Variants in PDE1C observed in about 807,000 individuals in gnomAD.
PDE1C encodes the protein dual specificity calcium/calmodulin-dependent 3',5'-cyclic nucleotide phosphodiesterase 1C.
In PDE1C, 62 loss-of-function variants were observed where a neutral mutation model predicts 93.1. The ratio of observed to expected loss-of-function variants is 0.67; its 90% CI spans 0.54 to 0.82. The LOEUF (loss-of-function observed/expected upper bound fraction) is 0.82, where lower values mean the gene tolerates loss of function less well. Ranked by LOEUF, PDE1C falls within the 40% of genes least tolerant of loss-of-function variation. PDE1C has a pLI of 0.00. For synonymous variants in PDE1C, 325 were observed against 310.1 expected, an observed-to-expected ratio of 1.05 and a Z score of -0.50; for missense variants, 742 against 884.6, an observed-to-expected ratio of 0.84 and a Z score of 2.04.
At chr7:32,023,652 G>C (rs1425849328) in intron 2 of PDE1C, among the ~76,000 whole-genome samples, 4 of 145,348 alleles carry the variant, frequency 2.8e-5, no homozygotes. Flanking sequence ...AAAAAAAAAA[G>C]CCAGTCTTTA....
upstream of PDE1C, among the ~76,000 whole-genome samples, chr7:32,073,004 T>C (rs1005865502): frequency 3.3e-5 from 5 of 152,214 alleles, no homozygotes; most frequent in Non-Finnish European, 7.3e-5. Context: ...TAATGCTGAA[T>C]TCACATTTTA....
chr7:32,314,277 C>T (rs891431944), intron 1 of PDE1C, among the ~76,000 whole-genome samples: 9 of 151,890 alleles, frequency 5.9e-5, no homozygotes, highest in Admixed American at 2.6e-4. Flanking sequence ...CTTTCACTAA[C>T]TAGAAAACAT....
At chr7:31,703,570 A>C in the PDE1C span, among the ~76,000 whole-genome samples, 1 of 152,236 alleles carries the variant, frequency 6.6e-6, no homozygotes, top group African/African-American at 2.4e-5. Flanking sequence ...TCATTACCAT[A>C]TTAGCTGAAG....
chr7:31,768,389 T>C (rs775909521), intron 17 of PDE1C, among the ~76,000 whole-genome samples: 2 of 152,246 alleles, frequency 1.3e-5, no homozygotes, highest in African/African-American at 2.4e-5. Context: ...TGTCAGTGTA[T>C]GTTATTCATC....
intron 1 of PDE1C, among the ~76,000 whole-genome samples, chr7:32,280,824 A>T (rs1415629538): frequency 3.3e-5 from 5 of 152,180 alleles, no homozygotes; most frequent in Non-Finnish European, 7.4e-5. Context: ...TGTCTCCACA[A>T]AAATCAAAAA....
intron 2 of PDE1C, among the ~76,000 whole-genome samples, chr7:31,944,012 C>A (rs1211284839): frequency 6.6e-6 from 1 of 152,144 alleles, no homozygotes; most frequent in Non-Finnish European, 1.5e-5. Context: ...TGTAGGCAAG[C>A]AGAGCTCTCC....
At chr7:31,670,582 A>G in the PDE1C span, among the ~76,000 whole-genome samples, 18 of 152,152 alleles carry the variant, frequency 1.2e-4, no homozygotes, top group Admixed American at 8.5e-4. Flanking sequence ...TGAAGTATGC[A>G]TTAAAGTAGA....
At chr7:32,130,544 G>A (rs1178744104) in intron 3 of PDE1C, among the ~76,000 whole-genome samples, 3 of 151,960 alleles carry the variant, frequency 2.0e-5, no homozygotes, top group Non-Finnish European at 2.9e-5. Flanking sequence ...TAATTTCAGC[G>A]TAATGAATTC....
intron 15 of PDE1C, among the ~76,000 whole-genome samples, chr7:31,810,437 C>A (rs1223378585): frequency 6.6e-6 from 1 of 152,094 alleles, no homozygotes; most frequent in East Asian, 1.9e-4. Context: ...GCTTTGCATG[C>A]ATCATTTTAT....
At chr7:31,942,435 T>C (rs1365826029) in intron 2 of PDE1C, among the ~76,000 whole-genome samples, 1 of 152,144 alleles carries the variant, frequency 6.6e-6, no homozygotes, top group African/African-American at 2.4e-5. Flanking sequence ...CAGTAATCTA[T>C]GAACCTGGCA....
At chr7:31,976,504 T>G (rs1274551671) in intron 2 of PDE1C, among the ~76,000 whole-genome samples, 1 of 152,196 alleles carries the variant, frequency 6.6e-6, no homozygotes, top group African/African-American at 2.4e-5. Context: ...TTAACTGATA[T>G]ATGGTTTCTA....
chr7:32,228,836 C>T (rs1292690436), intron 1 of PDE1C, among the ~76,000 whole-genome samples: 1 of 152,192 alleles, frequency 6.6e-6, no homozygotes, highest in Non-Finnish European at 1.5e-5. Flanking sequence ...CCTTTCTAGC[C>T]CCAGCTCTCC....
chr7:31,776,543 T>A (rs528867751), intron 16 of PDE1C, among the ~76,000 whole-genome samples: 1 of 152,154 alleles, frequency 6.6e-6, no homozygotes, highest in East Asian at 1.9e-4. Context: ...AAGGGAGAAC[T>A]GAGAGGTCCT....
intron 2 of PDE1C, among the ~76,000 whole-genome samples, chr7:32,175,538 G>A (rs1483807582): frequency 4.6e-5 from 7 of 152,130 alleles, no homozygotes; most frequent in Admixed American, 4.6e-4. Context: ...GCTAAAGGTT[G>A]GGGTAGCTGT....
At chr7:31,651,988 G>A in the PDE1C span, 2 of 1,606,606 alleles carry the variant, frequency 1.2e-6, no homozygotes, top group Non-Finnish European at 1.7e-6. Flanking sequence ...GAGGCAGCAG[G>A]TGGCAGAGTT....
At chr7:31,852,008 A>G (rs1204154198) in intron 7 of PDE1C, among the ~76,000 whole-genome samples, 1 of 152,212 alleles carries the variant, frequency 6.6e-6, no homozygotes, top group Admixed American at 6.5e-5. Context: ...GTGAACTCAT[A>G]AAAGCCCTGT....
intron 1 of PDE1C, among the ~76,000 whole-genome samples, chr7:32,417,107 C>T (rs924947791): frequency 6.6e-6 from 1 of 152,092 alleles, no homozygotes. Context: ...CTCAAAAGGA[C>T]CAAAGCTGCG....
At chr7:31,998,007 TA>T (rs200825027) in intron 2 of PDE1C, among the ~76,000 whole-genome samples, 7 of 133,172 alleles carry the variant, frequency 5.3e-5, no homozygotes, top group Admixed American at 8.8e-5. Flanking sequence ...TATTTTATTT[TA>T]TTTTTATTTA....
intron 10 of PDE1C, among the ~76,000 whole-genome samples, chr7:31,837,514 T>C (rs1791273630): frequency 6.6e-6 from 1 of 152,230 alleles, no homozygotes; most frequent in Non-Finnish European, 1.5e-5. Context: ...TGGACTCAAA[T>C]CCATTTCTGG....
Sources: gnomAD v4.1 joint callset for allele counts (sites outside exome capture counted in the v4.1 genomes callset) on GRCh38, gnomAD v4.1.1 for gene constraint, MANE v1.5 for transcripts, NCBI Gene and HGNC (gene_info 2026-07-23, HGNC 2026-07-21) for gene names.